Variants in S100A8 observed in about 807,000 individuals in gnomAD.
The protein encoded by S100A8 is S100 calcium binding protein A8.
Under a neutral mutation model 4.2 loss-of-function variants are expected in S100A8, and 1 was observed. That is an observed-to-expected ratio of 0.24 (90% CI 0.08 to 1.12). The LOEUF is 1.12. S100A8 is among the 50% of genes most tolerant of loss of function. The pLI is 0.53. For missense variants in S100A8, 96 were observed against 111.8 expected (o/e 0.86, Z 0.64); for synonymous variants, 41 against 44.7 (o/e 0.92, Z 0.33).
chr1:153,413,460 T>C, the S100A8 span, among the ~76,000 whole-genome samples: 1 of 152,220 alleles, frequency 6.6e-6, no homozygotes, highest in African/African-American at 2.4e-5. Flanking sequence ...CTCTGCACCA[T>C]TACTGGTGTT....
the S100A8 span, among the ~76,000 whole-genome samples, chr1:153,399,399 G>C: frequency 1.3e-5 from 2 of 152,150 alleles, no homozygotes; most frequent in African/African-American, 4.8e-5. Flanking sequence ...ATCACAAAAG[G>C]TCCCATTATC....
chr1:153,394,061 T>C (rs1480305614), upstream of S100A8, among the ~76,000 whole-genome samples: 1 of 152,116 alleles, frequency 6.6e-6, no homozygotes, highest in Non-Finnish European at 1.5e-5. Flanking sequence ...TATCAGGACT[T>C]GGGTAAGCAC....
chr1:153,398,751 G>A, the S100A8 span, among the ~76,000 whole-genome samples: 4 of 152,260 alleles, frequency 2.6e-5, no homozygotes, highest in South Asian at 4.1e-4. Flanking sequence ...CGTATCCCAC[G>A]TAACCCTCAC....
chr1:153,399,615 T>C, the S100A8 span, among the ~76,000 whole-genome samples: 1 of 152,084 alleles, frequency 6.6e-6, no homozygotes, highest in Admixed American at 6.6e-5. Context: ...GCAATATGCA[T>C]CAGATACAGG....
chr1:153,417,285 C>G, the S100A8 span: 1 of 151,922 alleles, frequency 6.6e-6, no homozygotes, highest in Non-Finnish European at 1.5e-5. Context: ...GAAAGTCAGA[C>G]ATTTTTATTT....
At chr1:153,392,223 G>T (rs1013720057), upstream of S100A8, among the ~76,000 whole-genome samples, 1 of 152,134 alleles carries the variant, frequency 6.6e-6, no homozygotes, top group Non-Finnish European at 1.5e-5. Flanking sequence ...TATACAAATG[G>T]TCAATAAGCA....
upstream of S100A8, among the ~76,000 whole-genome samples, chr1:153,391,414 G>A (rs1441004600): frequency 6.6e-6 from 1 of 152,088 alleles, no homozygotes; most frequent in Non-Finnish European, 1.5e-5. Context: ...TTGGTGGTCA[G>A]GCCATACATC....
chr1:153,417,274 G>A, the S100A8 span: 2 of 152,276 alleles, frequency 1.3e-5, no homozygotes, highest in African/African-American at 2.4e-5. Context: ...GATCTGCTTT[G>A]GAAAGTCAGA....
At chr1:153,406,747 T>C in the S100A8 span, among the ~76,000 whole-genome samples, 4 of 152,096 alleles carry the variant, frequency 2.6e-5, no homozygotes, top group Non-Finnish European at 4.4e-5. Context: ...CTGTTCACAA[T>C]CAGCCTGTTG....
the S100A8 span, among the ~76,000 whole-genome samples, chr1:153,412,239 C>T: frequency 1.3e-5 from 2 of 152,076 alleles, no homozygotes; most frequent in African/African-American, 2.4e-5. Flanking sequence ...ACTCATCTGA[C>T]GAAGGGCTAA....
At chr1:153,415,402 C>T in the S100A8 span, among the ~76,000 whole-genome samples, 1 of 152,072 alleles carries the variant, frequency 6.6e-6, no homozygotes, top group Non-Finnish European at 1.5e-5. Flanking sequence ...ACTAAATGAA[C>T]CAGGACCTCT....
chr1:153,396,103 C>T, the S100A8 span, among the ~76,000 whole-genome samples: 5 of 152,220 alleles, frequency 3.3e-5, no homozygotes, highest in African/African-American at 1.2e-4. Context: ...GGGACTGTCT[C>T]CCTATCAGAT....
the S100A8 span, among the ~76,000 whole-genome samples, chr1:153,415,765 C>A: frequency 6.6e-6 from 1 of 152,132 alleles, no homozygotes; most frequent in Non-Finnish European, 1.5e-5. Flanking sequence ...AGGCCCCTGA[C>A]CCCAGTCCCC....
chr1:153,412,207 T>C, the S100A8 span, among the ~76,000 whole-genome samples: 348 of 152,130 alleles, frequency 2.3e-3, 3 homozygotes, highest in African/African-American at 8.0e-3. Context: ...ACCTACAGAA[T>C]GGGAGAAAAT....
the S100A8 span, chr1:153,416,525 T>G: frequency 2.1e-6 from 1 of 486,916 alleles, no homozygotes. Flanking sequence ...AACACACACA[T>G]CTCACTCATC....
the S100A8 span, among the ~76,000 whole-genome samples, chr1:153,398,750 C>T: frequency 8.3e-4 from 126 of 152,324 alleles, no homozygotes; most frequent in African/African-American, 2.3e-3. Flanking sequence ...CCGTATCCCA[C>T]GTAACCCTCA....
the S100A8 span, among the ~76,000 whole-genome samples, chr1:153,398,410 T>C: frequency 6.6e-6 from 1 of 152,064 alleles, no homozygotes; most frequent in Admixed American, 6.5e-5. Flanking sequence ...GCCACCGCAG[T>C]CCCTGCTATC....
chr1:153,404,823 G>T, the S100A8 span, among the ~76,000 whole-genome samples: 2 of 152,008 alleles, frequency 1.3e-5, no homozygotes, highest in Admixed American at 6.6e-5. Context: ...ATTGGTGCCC[G>T]ACGTGGGACT....
At chr1:153,394,563 G>A (rs893267959), upstream of S100A8, among the ~76,000 whole-genome samples, 5 of 152,130 alleles carry the variant, frequency 3.3e-5, no homozygotes, top group African/African-American at 1.2e-4. Flanking sequence ...TACAAAACAA[G>A]CACAGTGTGG....
Sources: allele counts gnomAD v4.1 joint callset (sites outside exome capture counted in the v4.1 genomes callset), GRCh38; gene constraint gnomAD v4.1.1; transcripts MANE v1.5; gene names NCBI Gene and HGNC (gene_info 2026-07-23, HGNC 2026-07-21).